Variants in SLIT3 observed in about 807,000 individuals in gnomAD.
The protein encoded by SLIT3 is slit guidance ligand 3.
In SLIT3, 68 loss-of-function variants were observed where a neutral mutation model predicts 184.0. The observed-to-expected ratio is 0.37, with a 90% CI of 0.30 to 0.45. The LOEUF is 0.45. Ranked by LOEUF, SLIT3 falls within the 20% of genes least tolerant of loss-of-function variation. The pLI is 1.00. For missense variants in SLIT3, 1,707 were observed against 2,026.0 expected, an observed-to-expected ratio of 0.84 and a Z score of 3.02; for synonymous variants, 831 against 828.6, an observed-to-expected ratio of 1.00 and a Z score of -0.05.
intron 3 of SLIT3, among the ~76,000 whole-genome samples, chr5:169,214,777 A>C (rs1764382511): frequency 6.6e-6 from 1 of 152,194 alleles, no homozygotes; most frequent in South Asian, 2.1e-4. Context: ...TCCATCCCCA[A>C]CCTGGTCCCC....
intron 4 of SLIT3, among the ~76,000 whole-genome samples, chr5:169,020,595 T>TA (rs1249605363): frequency 6.6e-6 from 1 of 152,228 alleles, no homozygotes; most frequent in African/African-American, 2.4e-5. Context: ...TACATTGTAT[T>TA]AAATTCATTT....
chr5:169,285,803 C>T (rs1561787031), intron 1 of SLIT3, among the ~76,000 whole-genome samples: 1 of 152,172 alleles, frequency 6.6e-6, no homozygotes, highest in East Asian at 1.9e-4. Flanking sequence ...AGGTGCCAGA[C>T]ATGTGAGTGA....
chr5:169,080,563 G>A (rs759471969), intron 4 of SLIT3, among the ~76,000 whole-genome samples: 2 of 152,126 alleles, frequency 1.3e-5, no homozygotes, highest in African/African-American at 4.8e-5. Flanking sequence ...TAGGGCCTCC[G>A]AGGTGAGAGC....
intron 10 of SLIT3, chr5:168,792,140 C>T (rs956614733): frequency 6.6e-6 from 1 of 152,230 alleles, no homozygotes; most frequent in African/African-American, 2.4e-5. Context: ...GCCCCCTCTG[C>T]TATTTTGTTG....
chr5:168,937,908 C>T lies in SLIT3; in HGVS notation c.414-54572G>A, dbSNP rs145701306. ...TTTTTTTTTTCCCAAAGCAAACCCT[C>T]AGATTCACACTAAAGCTTCTGATCA... On this transcript the variant is annotated intron_variant, in intron 4 of 35. Transcript: ENST00000519560. Among the ~76,000 whole-genome samples, 18 of 151,962 alleles carry T rather than the reference C, an allele frequency of 1.2e-4. 1 individual carries two copies. Among genetic ancestry groups the T allele is most frequent in the Middle Eastern group, 3.4e-3 (1 of 294 alleles).
chr5:168,985,091 C>T (rs2113368026), intron 4 of SLIT3, among the ~76,000 whole-genome samples: 1 of 152,336 alleles, frequency 6.6e-6, no homozygotes, highest in East Asian at 1.9e-4. Flanking sequence ...ACTGTGTTCT[C>T]TACTAGACAT....
intron 4 of SLIT3, among the ~76,000 whole-genome samples, chr5:168,905,095 C>T (rs966914469): frequency 4.6e-5 from 7 of 152,048 alleles, no homozygotes; most frequent in South Asian, 2.1e-4. Flanking sequence ...GCGAATTGCT[C>T]GAACCCGGGA....
intron 4 of SLIT3, among the ~76,000 whole-genome samples, chr5:169,035,518 G>A (rs1198566754): frequency 1.2e-4 from 18 of 151,768 alleles, no homozygotes; most frequent in Admixed American, 7.9e-4. Context: ...GCGTGGTGGC[G>A]GGCACCTGTA....
chr5:169,217,658 T>C (rs1581066543), intron 3 of SLIT3, among the ~76,000 whole-genome samples: 1 of 152,320 alleles, frequency 6.6e-6, no homozygotes, highest in East Asian at 1.9e-4. Flanking sequence ...TCAACACCAG[T>C]GTCTGCTGCA....
At chr5:168,980,651 C>G (rs553433779) in intron 4 of SLIT3, among the ~76,000 whole-genome samples, 88 of 152,254 alleles carry the variant, frequency 5.8e-4, no homozygotes, top group African/African-American at 2.1e-3. Context: ...TGATCCAGGG[C>G]TACAAGGCTA....
intron 7 of SLIT3, among the ~76,000 whole-genome samples, chr5:168,818,974 T>A (rs1253464042): frequency 6.6e-6 from 1 of 152,262 alleles, no homozygotes; most frequent in Non-Finnish European, 1.5e-5. Context: ...AAAAGACTTT[T>A]ATGATTTTGT....
chr5:168,979,981 T>C (rs1425680864), intron 4 of SLIT3, among the ~76,000 whole-genome samples: 1 of 152,032 alleles, frequency 6.6e-6, no homozygotes, highest in Non-Finnish European at 1.5e-5. Context: ...GAACAGGAAC[T>C]GGGCAAAAAG....
chr5:168,710,665 G>A (rs1239819202), intron 25 of SLIT3, among the ~76,000 whole-genome samples: 19 of 152,184 alleles, frequency 1.2e-4, no homozygotes, highest in Admixed American at 1.2e-3. Context: ...AGAAGTCAGT[G>A]AGGAGATGTG....
At chr5:168,747,097 A>G (rs1200410926) in intron 20 of SLIT3, among the ~76,000 whole-genome samples, 2 of 151,930 alleles carry the variant, frequency 1.3e-5, no homozygotes, top group Non-Finnish European at 2.9e-5. Context: ...GCTCCCATAC[A>G]GGGCCTTTGC....
intron 3 of SLIT3, among the ~76,000 whole-genome samples, chr5:169,224,208 T>C (rs1268217784): frequency 6.6e-6 from 1 of 152,012 alleles, no homozygotes; most frequent in Non-Finnish European, 1.5e-5. Context: ...CGGTAAGAAT[T>C]AAAACAAGAA....
intron 4 of SLIT3, among the ~76,000 whole-genome samples, chr5:169,054,703 A>G (rs113823261): frequency 2.0e-5 from 3 of 152,106 alleles, no homozygotes; most frequent in African/African-American, 7.2e-5. Context: ...GGAATCCTTT[A>G]CCCCAGGCAT....
chr5:168,818,137 A>G (rs1407752650), intron 7 of SLIT3, among the ~76,000 whole-genome samples: 2 of 152,140 alleles, frequency 1.3e-5, no homozygotes, highest in Non-Finnish European at 2.9e-5. Context: ...ATCCATAGCC[A>G]TCTCTCCACA....
intron 12 of SLIT3, among the ~76,000 whole-genome samples, chr5:168,776,167 C>T (rs1235302860): frequency 2.0e-5 from 3 of 152,178 alleles, no homozygotes; most frequent in African/African-American, 4.8e-5. Flanking sequence ...AGGGGGTCTG[C>T]AGTTGGCAAC....
intron 4 of SLIT3, among the ~76,000 whole-genome samples, chr5:169,105,648 A>G (rs547501902): frequency 2.0e-5 from 3 of 152,344 alleles, no homozygotes; most frequent in South Asian, 2.1e-4. Context: ...GCAAGTAGAA[A>G]GATCAAGATT....
Sources: allele counts gnomAD v4.1 joint callset (sites outside exome capture counted in the v4.1 genomes callset), GRCh38; gene constraint gnomAD v4.1.1; transcripts MANE v1.5; gene names NCBI Gene and HGNC (gene_info 2026-07-23, HGNC 2026-07-21).